Variants in GRM7 observed in about 807,000 individuals in gnomAD.
GRM7 encodes the protein metabotropic glutamate receptor 7.
GRM7 carries 35 observed loss-of-function variants against 84.5 expected under a neutral mutation model. The ratio of observed to expected loss-of-function variants is 0.41; its 90% CI spans 0.32 to 0.55. The LOEUF is 0.55. Ranked by LOEUF, GRM7 falls within the 20% of genes least tolerant of loss-of-function variation. The pLI, the probability that GRM7 is intolerant of heterozygous loss-of-function variation, is 0.19. For synonymous variants in GRM7, 487 were observed against 455.1 expected, an observed-to-expected ratio of 1.07 and a Z score of -0.89; for missense variants, 1,003 against 1,194.6, an observed-to-expected ratio of 0.84 and a Z score of 2.36.
intron 4 of GRM7, among the ~76,000 whole-genome samples, chr3:7,403,682 C>T (rs910733686): frequency 7.2e-6 from 1 of 139,412 alleles, no homozygotes; most frequent in Non-Finnish European, 1.6e-5. Flanking sequence ...CATATATATA[C>T]ACACATATAT....
intron 1 of GRM7, among the ~76,000 whole-genome samples, chr3:7,001,608 G>T (rs956624932): frequency 6.6e-6 from 1 of 152,126 alleles, no homozygotes; most frequent in African/African-American, 2.4e-5. Context: ...AAATTGAGTT[G>T]AGAAAACAGC....
intron 8 of GRM7, among the ~76,000 whole-genome samples, chr3:7,642,685 A>G (rs1235207194): frequency 6.6e-6 from 1 of 152,206 alleles, no homozygotes; most frequent in Non-Finnish European, 1.5e-5. Context: ...ATCCAGGCTC[A>G]GTCTCACTTG....
chr3:7,642,706 T>C (rs1307757890), intron 8 of GRM7, among the ~76,000 whole-genome samples: 1 of 152,154 alleles, frequency 6.6e-6, no homozygotes, highest in Non-Finnish European at 1.5e-5. Flanking sequence ...AATTTATTCG[T>C]TGGAGAACTC....
At chr3:7,571,419 C>G (rs908313277) in intron 7 of GRM7, among the ~76,000 whole-genome samples, 9 of 152,146 alleles carry the variant, frequency 5.9e-5, no homozygotes, top group African/African-American at 2.2e-4. Context: ...TAAATCATCT[C>G]TCTCAAGTTC....
Position 7,163,704 on chromosome 3 carries a change from G to A in GRM7, c.736+17036G>A, listed in dbSNP as rs547623596. Among the ~76,000 whole-genome samples the A allele has an allele frequency of 2.9e-4, 44 of 152,224 alleles. 1 individual carries two copies. In the South Asian group the frequency reaches 9.1e-3, roughly 32 times the overall value. The stretch of plus-strand genomic sequence containing the variant: ...TAAATAAAGAGATGAATTAAATGAG[G>A]AACTGAACTATGTGAAGAACTGGGA... On this transcript the variant is annotated intron_variant, in intron 2 of 9. Coordinates refer to ENST00000357716, the MANE Select transcript of GRM7 (RefSeq NM_000844.4).
intron 1 of GRM7, among the ~76,000 whole-genome samples, chr3:7,091,142 A>G (rs1698649293): frequency 6.6e-6 from 1 of 152,036 alleles, no homozygotes; most frequent in South Asian, 2.1e-4. Context: ...AGCTCTGCAG[A>G]AGAATAGAGG....
At chr3:7,362,659 C>CT (rs1281043181) in intron 4 of GRM7, among the ~76,000 whole-genome samples, 1 of 151,998 alleles carries the variant, frequency 6.6e-6, no homozygotes, top group East Asian at 1.9e-4. Flanking sequence ...AAAAACATAC[C>CT]TTATGCGTGC....
Position 7,675,858 on chromosome 3 carries a change from T to C in GRM7, c.2452-4191T>C, listed in dbSNP as rs562709455. Among the ~76,000 whole-genome samples, 136 of 152,326 alleles carry C rather than the reference T, an allele frequency of 8.9e-4. 2 individuals carry two copies. The South Asian group carries it at 0.026, about 29-fold the overall frequency. ...TTCCTGGGTACTTATTTTCCAGGCTTTCTGCTAAACCATTTTCATATATTA... is the reference window on the plus strand; with the variant it reads ...TTCCTGGGTACTTATTTTCCAGGCTCTCTGCTAAACCATTTTCATATATTA... On this transcript the variant is annotated intron_variant, in intron 8 of 9. Transcript: ENST00000357716.
rs182115560 is a variant in GRM7, at chr3:7,030,584, G to A, written c.520-115868G>A. 1.8e-4 allele frequency among the ~76,000 whole-genome samples: 28 copies of A among 152,242 alleles called. 1 individual carries two copies. Among genetic ancestry groups the A allele is most frequent in the African/African-American group, 6.0e-4 (25 of 41,542 alleles). On this transcript the variant is annotated intron_variant, in intron 1 of 9. Coordinates refer to ENST00000357716, the MANE Select transcript of GRM7 (RefSeq NM_000844.4). ...AGGCTGGCCTTCTGATCCAAAAGCT[G>A]TTTTTATTTATGAAGGGCACAATCT... is the stretch of plus-strand genomic sequence containing the variant.
intron 7 of GRM7, among the ~76,000 whole-genome samples, chr3:7,484,701 G>A (rs1353000456): frequency 6.6e-6 from 1 of 152,168 alleles, no homozygotes; most frequent in Non-Finnish European, 1.5e-5. Context: ...GTATTAGTAT[G>A]TGTGTATAAT....
intron 4 of GRM7, among the ~76,000 whole-genome samples, chr3:7,396,083 TTCTC>T (rs1281538992): frequency 6.6e-6 from 1 of 152,142 alleles, no homozygotes; most frequent in African/African-American, 2.4e-5. Context: ...ATATTTTATA[TTCTC>T]TCTTAATTCA....
intron 8 of GRM7, among the ~76,000 whole-genome samples, chr3:7,611,564 G>C (rs62235197): frequency 0.13 from 20,116 of 152,136 alleles, 1,509 homozygotes; most frequent in Admixed American, 0.17. Flanking sequence ...AGACCTACTG[G>C]AGCTGAAATG....
intron 2 of GRM7, among the ~76,000 whole-genome samples, chr3:7,166,586 A>T (rs1694807395): frequency 6.6e-6 from 1 of 152,150 alleles, no homozygotes; most frequent in Non-Finnish European, 1.5e-5. Flanking sequence ...CTGAAGTGTC[A>T]GTGACAGACC....
At chr3:7,627,307 A>C (rs1045152781) in intron 8 of GRM7, among the ~76,000 whole-genome samples, 1 of 152,292 alleles carries the variant, frequency 6.6e-6, no homozygotes, top group East Asian at 1.9e-4. Context: ...ATTAATCTCA[A>C]AAATGTTACC....
At chr3:7,207,187 G>T (rs752109169) in intron 2 of GRM7, among the ~76,000 whole-genome samples, 1 of 152,148 alleles carries the variant, frequency 6.6e-6, no homozygotes, top group Non-Finnish European at 1.5e-5. Context: ...ACAGCCTTCC[G>T]CCATTAGAGA....
intron 6 of GRM7, among the ~76,000 whole-genome samples, chr3:7,456,869 T>G (rs1698039900): frequency 6.6e-6 from 1 of 152,070 alleles, no homozygotes; most frequent in Admixed American, 6.6e-5. Flanking sequence ...TGTGCTAAAT[T>G]TAATCAGTGG....
chr3:7,329,711 T>C (rs1330222651), intron 4 of GRM7, among the ~76,000 whole-genome samples: 1 of 152,214 alleles, frequency 6.6e-6, no homozygotes, highest in East Asian at 1.9e-4. Context: ...TTCATGGCTG[T>C]TCAGTAGCAT....
chr3:7,286,035 A>G, intron 2 of GRM7, among the ~76,000 whole-genome samples: 1 of 152,258 alleles, frequency 6.6e-6, no homozygotes, highest in East Asian at 1.9e-4. Flanking sequence ...CAGCATTGTC[A>G]AATAGGTAGC....
intron 4 of GRM7, among the ~76,000 whole-genome samples, chr3:7,389,728 T>C (rs1396425921): frequency 6.6e-6 from 1 of 152,116 alleles, no homozygotes; most frequent in African/African-American, 2.4e-5. Context: ...CCCTTTACTC[T>C]GAGTCTATGA....
Sources: allele counts gnomAD v4.1 joint callset (sites outside exome capture counted in the v4.1 genomes callset), GRCh38; gene constraint gnomAD v4.1.1; transcripts MANE v1.5; gene names NCBI Gene and HGNC (gene_info 2026-07-23, HGNC 2026-07-21).